The following SCHIP1 variants were observed in gnomAD, a reference collection of about 807,000 sequenced individuals.
SCHIP1 encodes the protein schwannomin-interacting protein 1.
Under a neutral mutation model 29.7 loss-of-function variants are expected in SCHIP1, and 8 were observed. The observed-to-expected ratio is 0.27, with a 90% CI of 0.16 to 0.49. SCHIP1 has a LOEUF of 0.49. Among genes scored for constraint, SCHIP1 ranks in the 20% least tolerant of loss-of-function variants. The probability of loss-of-function intolerance (pLI) is 0.99; values close to 1 mark genes in which losing one functional copy is unlikely to be tolerated. For missense variants in SCHIP1, 193 were observed against 294.6 expected (o/e 0.66, Z 2.52); for synonymous variants, 76 against 94.9 (o/e 0.80, Z 1.16).
At chr3:159,854,990 A>T (rs1445662428) in intron 1 of SCHIP1, among the ~76,000 whole-genome samples, 3 of 152,204 alleles carry the variant, frequency 2.0e-5, no homozygotes, top group Non-Finnish European at 4.4e-5. Context: ...CATCAACAAC[A>T]ACAAAACAGA....
At chr3:159,575,123 A>G in the SCHIP1 span, among the ~76,000 whole-genome samples, 1 of 152,174 alleles carries the variant, frequency 6.6e-6, no homozygotes, top group Non-Finnish European at 1.5e-5. Context: ...CTGTCCAACC[A>G]GTCCCAATGA....
chr3:159,565,638 CAT>C, the SCHIP1 span, among the ~76,000 whole-genome samples: 1 of 151,932 alleles, frequency 6.6e-6, no homozygotes. Flanking sequence ...TACATGTGCT[CAT>C]AAGTTCCATT....
chr3:159,542,638 C>A, the SCHIP1 span, among the ~76,000 whole-genome samples: 1 of 151,968 alleles, frequency 6.6e-6, no homozygotes, highest in Non-Finnish European at 1.5e-5. Context: ...AGTCTAGGAA[C>A]TGAGTTGGTG....
the SCHIP1 span, among the ~76,000 whole-genome samples, chr3:159,329,894 T>G: frequency 6.6e-6 from 1 of 152,162 alleles, no homozygotes; most frequent in African/African-American, 2.4e-5. Flanking sequence ...AAACAAACTT[T>G]GGCTTAAGTT....
the SCHIP1 span, among the ~76,000 whole-genome samples, chr3:159,832,012 TC>T: frequency 6.6e-6 from 1 of 152,188 alleles, no homozygotes; most frequent in South Asian, 2.1e-4. Context: ...ATGAGTTTCA[TC>T]CATCTTCTTT....
At chr3:159,310,568 C>T in the SCHIP1 span, among the ~76,000 whole-genome samples, 8 of 152,164 alleles carry the variant, frequency 5.3e-5, no homozygotes, top group Admixed American at 1.3e-4. Flanking sequence ...AAGCCACAGA[C>T]GGTGGGTTAT....
At chr3:159,406,929 T>C in the SCHIP1 span, among the ~76,000 whole-genome samples, 3 of 151,780 alleles carry the variant, frequency 2.0e-5, no homozygotes, top group African/African-American at 7.3e-5. Flanking sequence ...TAAAACAATA[T>C]TGCCAGAGAA....
At chr3:159,616,425 C>T in the SCHIP1 span, among the ~76,000 whole-genome samples, 51 of 152,254 alleles carry the variant, frequency 3.3e-4, no homozygotes, top group African/African-American at 1.2e-3. Flanking sequence ...CTGAGGCTTT[C>T]CCTTGCATCC....
At chr3:159,496,196 A>T in the SCHIP1 span, among the ~76,000 whole-genome samples, 1 of 152,246 alleles carries the variant, frequency 6.6e-6, no homozygotes, top group African/African-American at 2.4e-5. Flanking sequence ...AGGCATGGGC[A>T]AGGACTTCAT....
At chr3:159,796,872 G>A in the SCHIP1 span, among the ~76,000 whole-genome samples, 1 of 152,124 alleles carries the variant, frequency 6.6e-6, no homozygotes, top group Non-Finnish European at 1.5e-5. Flanking sequence ...GAAATTTTCT[G>A]GACAAGCACC....
At chr3:159,273,316 G>A in the SCHIP1 span, 4 of 985,928 alleles carry the variant, frequency 4.1e-6, no homozygotes, top group East Asian at 1.1e-4. Context: ...CGAGGCTGGG[G>A]CGAGAATGAG....
chr3:159,824,224 A>G, the SCHIP1 span, among the ~76,000 whole-genome samples: 1 of 152,250 alleles, frequency 6.6e-6, no homozygotes, highest in Non-Finnish European at 1.5e-5. Context: ...TGACTGAATT[A>G]TTATTATTCA....
the SCHIP1 span, among the ~76,000 whole-genome samples, chr3:159,694,537 C>CAGGAAAGA: frequency 2.2e-3 from 267 of 119,460 alleles, 5 homozygotes; most frequent in African/African-American, 8.1e-3. Flanking sequence ...AAAGAAAAGA[C>CAGGAAAGA]AAGAAAGAAA....
the SCHIP1 span, among the ~76,000 whole-genome samples, chr3:159,418,508 C>A: frequency 6.6e-6 from 1 of 152,332 alleles, no homozygotes. Flanking sequence ...AAAACTAATG[C>A]ATCTTTTTGA....
chr3:159,627,910 T>C, the SCHIP1 span, among the ~76,000 whole-genome samples: 1 of 152,198 alleles, frequency 6.6e-6, no homozygotes, highest in Non-Finnish European at 1.5e-5. Flanking sequence ...ATAAAACCCA[T>C]AGAGCTTTCC....
At chr3:159,836,604 T>C (rs1471859663), upstream of SCHIP1, among the ~76,000 whole-genome samples, 1 of 152,204 alleles carries the variant, frequency 6.6e-6, no homozygotes, top group African/African-American at 2.4e-5. Context: ...GCCACAACTT[T>C]CTTAGACCTT....
At chr3:159,595,424 G>T in the SCHIP1 span, among the ~76,000 whole-genome samples, 1 of 151,998 alleles carries the variant, frequency 6.6e-6, no homozygotes, top group African/African-American at 2.4e-5. Context: ...TCAAGGGAGT[G>T]GGTGCCATGG....
the SCHIP1 span, among the ~76,000 whole-genome samples, chr3:159,816,397 A>C: frequency 6.6e-6 from 1 of 151,872 alleles, no homozygotes; most frequent in Non-Finnish European, 1.5e-5. Context: ...TTGGCTTCCA[A>C]AGTAGCTAAG....
the SCHIP1 span, among the ~76,000 whole-genome samples, chr3:159,699,064 C>T: frequency 4.8e-3 from 733 of 152,276 alleles, 11 homozygotes; most frequent in African/African-American, 0.017. Context: ...TTTATGTTCT[C>T]TATTAATTAC....
Sources: gnomAD v4.1 joint callset for allele counts (sites outside exome capture counted in the v4.1 genomes callset) on GRCh38, gnomAD v4.1.1 for gene constraint, MANE v1.5 for transcripts, NCBI Gene and HGNC (gene_info 2026-07-23, HGNC 2026-07-21) for gene names.